FBLN2: variants seen among roughly 807,000 people sequenced by gnomAD.
FBLN2 encodes fibulin-2.
Under a neutral mutation model 123.7 loss-of-function variants are expected in FBLN2, and 81 were observed. That is an observed-to-expected ratio of 0.65 (90% CI 0.55 to 0.79). The LOEUF is 0.79. Ranked by LOEUF, FBLN2 falls within the 30% of genes least tolerant of loss-of-function variation. The pLI, the probability that FBLN2 is intolerant of heterozygous loss-of-function variation, is 0.00. For missense variants in FBLN2, 1,603 were observed against 1,681.3 expected (o/e 0.95, Z 0.81); for synonymous variants, 699 against 701.4 (o/e 1.00, Z 0.05).
chr3:13,597,962 G>A (rs1030687346), intron 2 of FBLN2, among the ~76,000 whole-genome samples: 4 of 152,200 alleles, frequency 2.6e-5, no homozygotes, highest in South Asian at 2.1e-4. Context: ...GAGCACCTGC[G>A]TCTCTCTTTC....
chr3:13,630,877 T>C (rs1432117826), intron 15 of FBLN2, 62 bp downstream of exon 15: 4 of 1,245,748 alleles, frequency 3.2e-6, no homozygotes, highest in Non-Finnish European at 4.6e-6. Flanking sequence ...TGTGCCAGGC[T>C]CCCCGAGAGT....
chr3:13,609,348 A>C (rs987295091), intron 3 of FBLN2, among the ~76,000 whole-genome samples, 165 bp from the exon 4 acceptor site: 6 of 152,184 alleles, frequency 3.9e-5, no homozygotes, highest in Admixed American at 3.9e-4. Flanking sequence ...TAAGCCAAGA[A>C]ATGAAACCCA....
At chr3:13,634,366 G>A (rs1018206996) in intron 16 of FBLN2, among the ~76,000 whole-genome samples, 4 of 152,254 alleles carry the variant, frequency 2.6e-5, no homozygotes, top group Non-Finnish European at 4.4e-5. Flanking sequence ...GGGCGTTAGG[G>A]AAGACCTGCG....
chr3:13,559,983 G>A (rs976364173), intron 1 of FBLN2, among the ~76,000 whole-genome samples: 13 of 152,298 alleles, frequency 8.5e-5, no homozygotes, highest in African/African-American at 2.9e-4. Context: ...AGCCTTGGCC[G>A]TGGGCAGCCT....
chr3:13,611,079 TTG>T (rs1259469548), intron 4 of FBLN2, among the ~76,000 whole-genome samples: 1 of 151,824 alleles, frequency 6.6e-6, no homozygotes, highest in African/African-American at 2.4e-5. Flanking sequence ...GCTAATTTTT[TTG>T]TGTTTTTAGT....
At chr3:13,583,138 C>T (rs1158617088) in intron 2 of FBLN2, among the ~76,000 whole-genome samples, 1 of 152,268 alleles carries the variant, frequency 6.6e-6, no homozygotes, top group Non-Finnish European at 1.5e-5. Context: ...GCAAGGCTGG[C>T]TTCCCACAGA....
At position 13,571,052 on chromosome 3, in the gene FBLN2, G is replaced by A; in HGVS notation, c.697G>A (p.Gly233Arg). Reference protein sequence around the residue: ...AGAGGPPAALGGGSQPLSTIQ... With the variant: ...AGAGGPPAALRGGSQPLSTIQ... ...CGCAGGGGGCCCCCCAGCTGCTCTG[G>A]GAGGTGGGAGTCAGCCACTGTCCAC... Residue 233 changes from glycine to arginine, a missense_variant, in exon 2 of 18, where the codon GGA becomes AGA. Gly to Arg is a moderately radical substitution (Grantham distance 125). Coordinates refer to ENST00000404922, the MANE Select transcript of FBLN2 (RefSeq NM_001004019.2). 6.4e-7 allele frequency: 1 copy of A among 1,562,214 alleles called. No individual in the cohort carries two copies. The highest frequency in any genetic ancestry group is 8.7e-7 in the Non-Finnish European group (1 of 1,154,016).
At chr3:13,622,386 T>G (rs370093145) in intron 9 of FBLN2, among the ~76,000 whole-genome samples, 4 of 152,162 alleles carry the variant, frequency 2.6e-5, no homozygotes, top group African/African-American at 9.7e-5. Context: ...GACATGTATG[T>G]GGGGTAGCAC....
At chr3:13,632,071 G>T (rs1265816573) in intron 16 of FBLN2, among the ~76,000 whole-genome samples, 1 of 152,200 alleles carries the variant, frequency 6.6e-6, no homozygotes, top group African/African-American at 2.4e-5. Context: ...TGTGTCCCTG[G>T]ATAGAGACCG....
chr3:13,555,755 C>A (rs1391591468), intron 1 of FBLN2, among the ~76,000 whole-genome samples: 1 of 152,180 alleles, frequency 6.6e-6, no homozygotes, highest in East Asian at 1.9e-4. Flanking sequence ...TGCCCAGCAC[C>A]CTGGTTTTTA....
intron 1 of FBLN2, among the ~76,000 whole-genome samples, chr3:13,569,637 G>A (rs1202479949): frequency 6.6e-6 from 1 of 152,074 alleles, no homozygotes; most frequent in Non-Finnish European, 1.5e-5. Context: ...AGCGTCCCCT[G>A]GGGCTAAGCC....
At chr3:13,609,688 G>GCATCT in intron 4 of FBLN2, 46 bp downstream of exon 4, 2 of 512,604 alleles carry the variant, frequency 3.9e-6, no homozygotes, top group Non-Finnish European at 7.2e-6. Flanking sequence ...GTGGGGCGGG[G>GCATCT]CGGGAGGCTG....
chr3:13,552,967 G>A lies in FBLN2; in HGVS notation c.-42+3759G>A, dbSNP rs570757158. ...ATGGGTTGCTCTGAAATGCTTTGTC[G>A]GGGCCATCCTGGAGGAGAACGCTGA... On this transcript the variant is annotated intron_variant, in intron 1 of 17. Coordinates refer to ENST00000404922, the MANE Select transcript of FBLN2 (RefSeq NM_001004019.2). Among the ~76,000 whole-genome samples the A allele has an allele frequency of 4.6e-5, 7 of 152,202 alleles. No homozygotes were observed. The South Asian group carries it at 6.2e-4, about 14-fold the overall frequency.
chr3:13,555,228 A>G (rs1372664787), intron 1 of FBLN2, among the ~76,000 whole-genome samples: 2 of 152,222 alleles, frequency 1.3e-5, no homozygotes, highest in Non-Finnish European at 2.9e-5. Context: ...CTGGGATTAC[A>G]GGCGTGAGCC....
At position 13,549,161 on chromosome 3, in the gene FBLN2, C is replaced by CGACGGCCGGGCGGACG; in HGVS notation, c.-83_-68dup. 4.1e-6 allele frequency: 4 copies of CGACGGCCGGGCGGACG among 982,822 alleles called. No individual in the cohort carries two copies. The highest frequency in any genetic ancestry group is 4.8e-6 in the Non-Finnish European group (4 of 828,940). 60.9% of individuals were successfully genotyped at this position (982,822 alleles called of 1,614,324 possible). ...GGGGCCGCCCGGGCTCTCGACGCGC[C>CGACGGCCGGGCGGACG]GACGGCCGGGCGGACGGACGGACGG... is the stretch of plus-strand genomic sequence containing the variant. On this transcript the variant is annotated 5_prime_UTR_variant, in exon 1 of 18. Transcript: ENST00000404922.
Position 13,637,988 on chromosome 3 carries a change from C to A in FBLN2, c.*69C>A. The A allele has an allele frequency of 1.5e-6, 2 of 1,373,124 alleles. No homozygotes were observed. The highest frequency in any genetic ancestry group is 1.4e-5 in the South Asian group (1 of 73,076). The allele number at this position is 1,373,124 out of a possible 1,614,324, so 85.1% of individuals were successfully genotyped here. A position where few individuals can be genotyped will look rare whatever the true frequency, so the allele number is the denominator to read the frequency against. ...TCACACTGCGTGGGAGGGACTGGGTCACTATTGTGGTTTTTACTATAACTT... is the reference window on the plus strand; with the variant it reads ...TCACACTGCGTGGGAGGGACTGGGTAACTATTGTGGTTTTTACTATAACTT... On this transcript the variant is annotated 3_prime_UTR_variant, in exon 18 of 18. Coordinates refer to ENST00000404922, the MANE Select transcript of FBLN2 (RefSeq NM_001004019.2).
Position 13,609,531 on chromosome 3 carries a change from C to T in FBLN2, c.1437C>T (p.Cys479=), listed in dbSNP as rs904107573. 1.9e-6 allele frequency: 3 copies of T among 1,550,974 alleles called. No homozygotes were observed. The African/African-American group carries it at 4.1e-5, about 21-fold the overall frequency. Reference sequence around the variant, plus strand: ...GTTTCAGGACAGCCCAGAGGCACTGCTGTGTCTCCTACTTGCAGGAGAAGA... The same window carrying T: ...GTTTCAGGACAGCCCAGAGGCACTGTTGTGTCTCCTACTTGCAGGAGAAGA... The part of the protein sequence containing the change: ...DNVCRTAQRH[C]CVSYLQEKSC... The change falls in exon 4 of 18, where the codon TGC becomes TGT. Residue 479 remains cysteine, a synonymous_variant. Coordinates refer to ENST00000404922, the MANE Select transcript of FBLN2 (RefSeq NM_001004019.2).
chr3:13,619,833 T>C lies in FBLN2; in HGVS notation c.2155+2T>C, dbSNP rs1476373452. ...TGGCGGATGGCGTGTCCTGTGAAGGTGAGTGCCTTGGGGTGCCCTCCTACC... is the reference window on the plus strand; with the variant it reads ...TGGCGGATGGCGTGTCCTGTGAAGGCGAGTGCCTTGGGGTGCCCTCCTACC... On this transcript the variant is annotated splice_donor_variant, in intron 8 of 17. Transcript: ENST00000404922. LOFTEE classifies it high-confidence loss of function. 6.2e-7 allele frequency: 1 copy of C among 1,609,158 alleles called. No individual in the cohort carries two copies. Among genetic ancestry groups the C allele is most frequent in the Admixed American group, 1.7e-5 (1 of 59,418 alleles).
At chr3:13,631,160 G>A (rs1282984106) in intron 15 of FBLN2, among the ~76,000 whole-genome samples, 169 bp from the exon 16 acceptor site, 1 of 152,186 alleles carries the variant, frequency 6.6e-6, no homozygotes, top group South Asian at 2.1e-4. Context: ...TGGGAGTCCT[G>A]TTTTGCTTCG....
Sources: gnomAD v4.1 joint callset for allele counts (sites outside exome capture counted in the v4.1 genomes callset) on GRCh38, gnomAD v4.1.1 for gene constraint, MANE v1.5 for transcripts, NCBI Gene and HGNC (gene_info 2026-07-23, HGNC 2026-07-21) for gene names.